Variants in SLC9A2 observed in about 807,000 individuals in gnomAD.
SLC9A2 encodes sodium/hydrogen exchanger 2.
Under a neutral mutation model 71.7 loss-of-function variants are expected in SLC9A2, and 42 were observed. The observed-to-expected ratio is 0.59, with a 90% confidence interval of 0.46 to 0.76. SLC9A2 has a LOEUF of 0.76. Ranked by LOEUF, SLC9A2 falls within the 30% of genes least tolerant of loss-of-function variation. The pLI is 0.00. For missense variants in SLC9A2, 829 were observed against 1,017.4 expected (o/e 0.81, Z 2.52); for synonymous variants, 396 against 392.5 (o/e 1.01, Z -0.10).
chr2:102,686,353 G>C (rs1435108001), intron 5 of SLC9A2: 1 of 152,152 alleles, frequency 6.6e-6, no homozygotes, highest in Non-Finnish European at 1.5e-5. Context: ...GAGAGAGCCT[G>C]GTGTGTAGCG....
At chr2:102,670,483 C>G (rs762905228) in intron 3 of SLC9A2, among the ~76,000 whole-genome samples, 1 of 150,888 alleles carries the variant, frequency 6.6e-6, no homozygotes, top group Admixed American at 6.6e-5. Flanking sequence ...ATAAATAAAT[C>G]GAGGCCCAGA....
At chr2:102,685,530 A>C (rs6543180) in intron 5 of SLC9A2, among the ~76,000 whole-genome samples, 99,756 of 152,118 alleles carry the variant, frequency 0.66, 33,337 homozygotes, top group East Asian at 0.86. Flanking sequence ...TAGGGAGGAC[A>C]AAACTGGTGG....
intron 5 of SLC9A2, among the ~76,000 whole-genome samples, chr2:102,692,680 T>C (rs1009651896): frequency 6.6e-6 from 1 of 152,186 alleles, no homozygotes; most frequent in African/African-American, 2.4e-5. Context: ...TTCTAAAATC[T>C]TCTGGTTACA....
chr2:102,693,612 T>C (rs1329672011), intron 5 of SLC9A2, among the ~76,000 whole-genome samples: 2 of 152,206 alleles, frequency 1.3e-5, no homozygotes, highest in African/African-American at 4.8e-5. Flanking sequence ...GGTGCTTTGC[T>C]GTGCTGTGGT....
intron 3 of SLC9A2, among the ~76,000 whole-genome samples, chr2:102,669,728 C>T (rs542188725): frequency 6.6e-6 from 1 of 152,348 alleles, no homozygotes; most frequent in African/African-American, 2.4e-5. Flanking sequence ...TGTTTAACCT[C>T]ATTTTACTTT....
chr2:102,670,849 C>CTTTTTTTTTTTTTTT (rs10687841), intron 3 of SLC9A2, among the ~76,000 whole-genome samples: 2 of 75,886 alleles, frequency 2.6e-5, no homozygotes, highest in Non-Finnish European at 4.8e-5. Context: ...GGAAGGCATG[C>CTTTTTTTTTTTTTTT]TTTTTTTTTT....
rs1573439213 is a variant in SLC9A2 at position 102,708,286 on chromosome 2, A to T, written c.2236A>T (p.Thr746Ser). Residue 746 changes from threonine to serine, a missense_variant, in exon 12 of 12, where the codon ACC becomes TCC. Transcript: ENST00000233969. ...TGATTCTGGCCGAGATATGCCCAGC[A>T]CCCCCCCAACACCCCACAGCAGAGA... Reference protein sequence around the residue: ...DVDSGRDMPSTPPTPHSREKG... With the variant: ...DVDSGRDMPSSPPTPHSREKG... The T allele has an allele frequency of 6.2e-7, 1 of 1,613,560 alleles. No individual in the cohort carries two copies. Among genetic ancestry groups the T allele is most frequent in the South Asian group, 1.1e-5 (1 of 91,038 alleles).
intron 7 of SLC9A2, among the ~76,000 whole-genome samples, chr2:102,695,829 A>AAG (rs1558723340): frequency 7.9e-6 from 1 of 126,146 alleles, no homozygotes; most frequent in African/African-American, 3.0e-5. Flanking sequence ...ATATATAAAA[A>AAG]GCTAAAATTA....
At position 102,684,283 on chromosome 2, in the gene SLC9A2, A is replaced by G; in HGVS notation, c.1372A>G (p.Lys458Glu). ...TCCTGCTGCTGTGTTTCCTCGGAAA[A>G]AATTGTTTATTACGGCTGCCATTGT... ...LLPAAVFPRK[K>E]LFITAAIVVI... Residue 458 changes from lysine to glutamate, a missense_variant, in exon 5 of 12, where the codon AAA becomes GAA. Transcript: ENST00000233969. 1 of 1,614,172 alleles carries G rather than the reference A, an allele frequency of 6.2e-7. No individual in the cohort carries two copies. Among genetic ancestry groups the G allele is most frequent in the South Asian group, 1.1e-5 (1 of 91,082 alleles).
At chr2:102,678,176 C>T (rs1453314147) in intron 3 of SLC9A2, among the ~76,000 whole-genome samples, 2 of 152,094 alleles carry the variant, frequency 1.3e-5, no homozygotes, top group Non-Finnish European at 2.9e-5. Context: ...TCTGTTTCTT[C>T]CCTTAGAAGA....
At chr2:102,649,254 G>A (rs1426456111) in intron 1 of SLC9A2, among the ~76,000 whole-genome samples, 1 of 152,162 alleles carries the variant, frequency 6.6e-6, no homozygotes, top group Non-Finnish European at 1.5e-5. Flanking sequence ...ACGGTGCTGG[G>A]AAAACTGGCT....
chr2:102,628,151 A>C (rs540273127), intron 1 of SLC9A2, among the ~76,000 whole-genome samples: 74 of 152,294 alleles, frequency 4.9e-4, no homozygotes, highest in South Asian at 1.0e-3. Context: ...TAATACTCAA[A>C]GTTTATGTAA....
intron 2 of SLC9A2, among the ~76,000 whole-genome samples, chr2:102,659,384 T>A (rs1198268629): frequency 1.3e-5 from 2 of 151,882 alleles, no homozygotes; most frequent in African/African-American, 4.8e-5. Context: ...GAGGTTGCAA[T>A]GAGCCAAGAT....
In SLC9A2 at chr2:102,703,190, G is replaced by A. The variant is rs181707211; in HGVS notation, c.1845+688G>A. Among the ~76,000 whole-genome samples the A allele has an allele frequency of 1.1e-3, 173 of 152,212 alleles. 1 individual carries two copies. The highest frequency in any genetic ancestry group is 4.0e-3 in the African/African-American group (166 of 41,514). On this transcript the variant is annotated intron_variant, in intron 9 of 11. Transcript: ENST00000233969. ...CATAAGGTGTCCCCATTTCATCCAC[G>A]TGACTCTTACCTGACCCTTTTTCCT...
At chr2:102,690,046 T>C (rs1677628602) in intron 5 of SLC9A2, among the ~76,000 whole-genome samples, 1 of 152,022 alleles carries the variant, frequency 6.6e-6, no homozygotes, top group Admixed American at 6.6e-5. Context: ...CACACATAAG[T>C]CTGGAATTAT....
intron 1 of SLC9A2, among the ~76,000 whole-genome samples, chr2:102,634,376 C>A (rs994637206): frequency 2.6e-5 from 4 of 152,176 alleles, no homozygotes; most frequent in African/African-American, 9.7e-5. Context: ...TTGGGTGAGT[C>A]AATTAACTTC....
chr2:102,620,097 G>T lies in SLC9A2; in HGVS notation c.249G>T (p.Glu83Asp). ...ACCCCCACGTGCAGATCCCCTTCGA[G>T]ATCACCCTTTGGATCCTGCTGGCCT... The part of the protein sequence containing the change: ...LDYPHVQIPF[E>D]ITLWILLASL... Residue 83 changes from glutamate (E) to aspartate (D), a missense_variant, in exon 1 of 12, where the codon GAG becomes GAT. Glu to Asp is a conservative substitution (Grantham distance 45). This residue lies in a region of SLC9A2 where 500 missense variants were observed against 726.3 expected (regional missense o/e 0.69). Coordinates refer to ENST00000233969, the MANE Select transcript of SLC9A2 (RefSeq NM_003048.6). The T allele has an allele frequency of 2.5e-6, 4 of 1,613,276 alleles. No individual in the cohort carries two copies. The highest frequency in any genetic ancestry group is 3.4e-6 in the Non-Finnish European group (4 of 1,179,536).
At chr2:102,672,214 T>C (rs1018865239) in intron 3 of SLC9A2, among the ~76,000 whole-genome samples, 6 of 152,184 alleles carry the variant, frequency 3.9e-5, no homozygotes, top group African/African-American at 1.4e-4. Context: ...CTATACTGAT[T>C]TGATGTTGAA....
At chr2:102,625,643 C>T (rs1025161667) in intron 1 of SLC9A2, among the ~76,000 whole-genome samples, 1 of 152,148 alleles carries the variant, frequency 6.6e-6, no homozygotes, top group Non-Finnish European at 1.5e-5. Context: ...CTACAAAGGA[C>T]ATGAACTCAT....
Sources: gnomAD v4.1 joint callset for allele counts (sites outside exome capture counted in the v4.1 genomes callset) on GRCh38, gnomAD v4.1.1 for gene constraint, gnomAD v4.1.1 regional missense constraint, MANE v1.5 for transcripts, NCBI Gene and HGNC (gene_info 2026-07-23, HGNC 2026-07-21) for gene names.